Variants in RASA1 observed in about 807,000 individuals in gnomAD.
RASA1 encodes the protein ras GTPase-activating protein 1.
Under a neutral mutation model 132.2 loss-of-function variants are expected in RASA1, and 25 were observed. The observed-to-expected ratio is 0.19, with a 90% confidence interval of 0.14 to 0.26. The LOEUF is 0.26. Among genes scored for constraint, RASA1 ranks in the 10% least tolerant of loss-of-function variants. The probability of loss-of-function intolerance (pLI) is 1.00; values close to 1 mark genes in which losing one functional copy is unlikely to be tolerated. For synonymous variants in RASA1, 477 were observed against 449.9 expected, an observed-to-expected ratio of 1.06 and a Z score of -0.76; for missense variants, 964 against 1,299.2, an observed-to-expected ratio of 0.74 and a Z score of 3.97.
chr5:87,268,478 G>A lies in RASA1; in HGVS notation c.27G>A (p.Glu9=). 1 of 1,553,620 alleles carries A rather than the reference G, an allele frequency of 6.4e-7. No homozygotes were observed. The highest frequency in any genetic ancestry group is 8.7e-7 in the Non-Finnish European group (1 of 1,149,610). Residue 9 remains glutamate, a synonymous_variant, in exon 1 of 25, where the codon GAG becomes GAA. Transcript: ENST00000274376. MMAAEAGS[E]EGGPVTAGAG... is the part of the protein sequence containing the mutation. ...TGATGGCGGCCGAGGCCGGCAGTGA[G>A]GAGGGCGGCCCGGTAACAGCCGGAG... is the stretch of plus-strand genomic sequence containing the variant.
At chr5:87,338,501 T>TTATATATATATATATATA (rs3069490) in intron 5 of RASA1, among the ~76,000 whole-genome samples, 8 of 75,670 alleles carry the variant, frequency 1.1e-4, no homozygotes, top group African/African-American at 3.4e-4. Flanking sequence ...CCAGCTAATT[T>TTATATATATATATATATA]TATATATATA....
chr5:87,338,536 A>ATTTTTTTTTTTT lies in RASA1; in HGVS notation c.1017+448_1017+459dup, dbSNP rs1232583853. Among the ~76,000 whole-genome samples, 519 of 85,160 alleles carry ATTTTTTTTTTTT rather than the reference A, an allele frequency of 6.1e-3. 13 individuals carry two copies. The highest frequency in any genetic ancestry group is 0.022 in the African/African-American group (505 of 22,570). 55.9% of individuals were successfully genotyped at this position (85,160 alleles called of 152,430 possible). On this transcript the variant is annotated intron_variant, in intron 5 of 24. Transcript: ENST00000274376. Reference sequence around the variant, plus strand: ...ATATATATATATATATATATATAAAATTTTTTTTTTTTTTAAGTAGAAATG... The same window carrying ATTTTTTTTTTTT: ...ATATATATATATATATATATATAAAATTTTTTTTTTTTTTTTTTTTTTTTTTAAGTAGAAATG...
At chr5:87,305,882 T>C (rs1169980440) in intron 1 of RASA1, among the ~76,000 whole-genome samples, 1 of 152,132 alleles carries the variant, frequency 6.6e-6, no homozygotes. Context: ...GAAATAAAGC[T>C]CAACATCACT....
intron 1 of RASA1, among the ~76,000 whole-genome samples, chr5:87,298,498 T>A (rs956556766): frequency 2.6e-5 from 4 of 152,028 alleles, no homozygotes; most frequent in African/African-American, 9.7e-5. Context: ...GGTTACAAGT[T>A]TTAAAGGGGT....
intron 8 of RASA1, among the ~76,000 whole-genome samples, chr5:87,351,226 C>G (rs1165165510): frequency 6.6e-6 from 1 of 150,746 alleles, no homozygotes; most frequent in Non-Finnish European, 1.5e-5. Flanking sequence ...TTTAATTCAG[C>G]AGCCATTTAT....
At chr5:87,387,211 A>G (rs1762120742) in intron 23 of RASA1, among the ~76,000 whole-genome samples, 3 of 151,998 alleles carry the variant, frequency 2.0e-5, no homozygotes, top group Admixed American at 2.0e-4. Context: ...CTGCCATGAC[A>G]TTCTGTTGCC....
chr5:87,272,539 GTTTTT>G (rs1032209831), intron 1 of RASA1, among the ~76,000 whole-genome samples: 11 of 141,436 alleles, frequency 7.8e-5, no homozygotes, highest in African/African-American at 2.8e-4. Context: ...TCATATGATT[GTTTTT>G]TTTTTTTTAA....
chr5:87,297,319 AT>A (rs1164538696), intron 1 of RASA1, among the ~76,000 whole-genome samples: 1 of 151,998 alleles, frequency 6.6e-6, no homozygotes, highest in Non-Finnish European at 1.5e-5. Flanking sequence ...ATGTCTTGTA[AT>A]TTTTTATTGA....
chr5:87,376,431 C>T lies in RASA1; in HGVS notation c.2050C>T (p.His684Tyr), dbSNP rs1761331852. The change falls in exon 16 of 25, where the codon CAT becomes TAT. Residue 684 changes from histidine to tyrosine, a missense_variant. Physicochemically the swap from His to Tyr is moderately conservative, Grantham distance 83. Transcript: ENST00000274376. ...RCQLSRLQKG[H>Y]ATDEWFLLSS... ...CCAGTTGAGCCGATTACAGAAAGGG[C>T]ATGCCACAGATGAATGGTTTCTGCT... The T allele has an allele frequency of 6.2e-7, 1 of 1,613,886 alleles. No individual in the cohort carries two copies. Among genetic ancestry groups the T allele is most frequent in the African/African-American group, 1.3e-5 (1 of 74,914 alleles).
chr5:87,385,339 G>A lies in RASA1; in HGVS notation c.2797G>A (p.Val933Met), dbSNP rs753763488. 8.1e-6 allele frequency: 13 copies of A among 1,611,640 alleles called. No homozygotes were observed. In the South Asian group the frequency reaches 1.3e-4, roughly 16 times the overall value. ...SPIAARTLIL[V>M]AKSVQNLANL... ...TATTGCTGCAAGAACACTGATATTAGTGGCTAAATCTGTGCAGAACTTAGC... is the reference window on the plus strand; with the variant it reads ...TATTGCTGCAAGAACACTGATATTAATGGCTAAATCTGTGCAGAACTTAGC... Residue 933 changes from valine to methionine, a missense_variant, in exon 22 of 25, where the codon GTG becomes ATG. Coordinates refer to ENST00000274376, the MANE Select transcript of RASA1 (RefSeq NM_002890.3).
At chr5:87,384,387 G>A (rs189360398) in intron 21 of RASA1, among the ~76,000 whole-genome samples, 172 of 152,164 alleles carry the variant, frequency 1.1e-3, no homozygotes, top group African/African-American at 3.8e-3. Flanking sequence ...TTGTGACTTT[G>A]AATGTAATAA....
chr5:87,276,888 T>TTC (rs1344539960), intron 1 of RASA1, among the ~76,000 whole-genome samples: 1 of 152,196 alleles, frequency 6.6e-6, no homozygotes, highest in Non-Finnish European at 1.5e-5. Flanking sequence ...AGTGACTTGC[T>TTC]TCACTCCACC....
intron 1 of RASA1, among the ~76,000 whole-genome samples, chr5:87,285,871 A>G (rs1754536167): frequency 6.6e-6 from 1 of 151,750 alleles, no homozygotes; most frequent in Non-Finnish European, 1.5e-5. Context: ...TGCCTGCCTC[A>G]GCCTCCCAGA....
chr5:87,360,904 G>C (rs144518252), intron 9 of RASA1, among the ~76,000 whole-genome samples: 1 of 152,072 alleles, frequency 6.6e-6, no homozygotes, highest in African/African-American at 2.4e-5. Context: ...TCATTTATGA[G>C]CAGAAAATAA....
intron 1 of RASA1, among the ~76,000 whole-genome samples, chr5:87,305,110 C>A (rs1755549278): frequency 6.6e-6 from 1 of 151,994 alleles, no homozygotes; most frequent in South Asian, 2.1e-4. Flanking sequence ...TCTCTGCTTT[C>A]CAGTATTTTT....
intron 1 of RASA1, among the ~76,000 whole-genome samples, chr5:87,327,023 A>T (rs951865786): frequency 1.3e-5 from 2 of 152,198 alleles, no homozygotes. Flanking sequence ...GAAGTTTATT[A>T]ATCAGTCCCA....
At chr5:87,360,158 CTTTTT>C (rs1240682355) in intron 9 of RASA1, among the ~76,000 whole-genome samples, 12 of 135,352 alleles carry the variant, frequency 8.9e-5, no homozygotes, top group Non-Finnish European at 1.6e-4. Context: ...GAATTTCGCT[CTTTTT>C]TGCTCAGGCT....
At chr5:87,303,035 A>G (rs1435961396) in intron 1 of RASA1, among the ~76,000 whole-genome samples, 2 of 152,188 alleles carry the variant, frequency 1.3e-5, no homozygotes, top group Admixed American at 1.3e-4. Context: ...CAATGTCCAT[A>G]TCTAGTTGAC....
intron 9 of RASA1, among the ~76,000 whole-genome samples, chr5:87,361,280 G>C (rs767337087): frequency 5.3e-5 from 8 of 152,292 alleles, no homozygotes; most frequent in Admixed American, 2.6e-4. Flanking sequence ...CAGTTTGTCA[G>C]CCCTGCTGTA....
Sources: allele counts gnomAD v4.1 joint callset (sites outside exome capture counted in the v4.1 genomes callset), GRCh38; gene constraint gnomAD v4.1.1; transcripts MANE v1.5; gene names NCBI Gene and HGNC (gene_info 2026-07-23, HGNC 2026-07-21).